Variants in RAB11FIP3 observed in about 807,000 individuals in gnomAD.
The protein encoded by RAB11FIP3 is RAB11 family interacting protein 3.
Under a neutral mutation model 77.8 loss-of-function variants are expected in RAB11FIP3, and 17 were observed. That is an observed-to-expected ratio of 0.22 (90% CI 0.15 to 0.33). RAB11FIP3 has a LOEUF of 0.33. Ranked by LOEUF, RAB11FIP3 falls within the 10% of genes least tolerant of loss-of-function variation. The pLI is 1.00. For missense variants in RAB11FIP3, 1,005 were observed against 1,011.2 expected (o/e 0.99, Z 0.08); for synonymous variants, 437 against 448.2 (o/e 0.98, Z 0.31).
intron 1 of RAB11FIP3, among the ~76,000 whole-genome samples, chr16:454,905 C>T (rs755787971): frequency 9.2e-5 from 14 of 151,760 alleles, no homozygotes; most frequent in South Asian, 2.1e-4. Context: ...CAAAAGTTAG[C>T]GAGGCGTGGT....
chr16:451,549 C>T (rs1189552405), intron 1 of RAB11FIP3: 1 of 152,196 alleles, frequency 6.6e-6, no homozygotes, highest in Non-Finnish European at 1.5e-5. Flanking sequence ...ATTAGAAGGA[C>T]TTAGGCCGGG....
chr16:427,581 C>A lies in RAB11FIP3; in HGVS notation c.714+861C>A, dbSNP rs2054970182. The stretch of plus-strand genomic sequence containing the variant: ...TAACAGCAGGGCCGTGTGTGTTCTG[C>A]CAATAACCCGGTGGACATCAAATAA... On this transcript the variant is annotated intron_variant, in intron 1 of 13. Coordinates refer to ENST00000262305, the MANE Select transcript of RAB11FIP3 (RefSeq NM_014700.4). Among the ~76,000 whole-genome samples, 3 of 152,348 alleles carry A rather than the reference C, an allele frequency of 2.0e-5. No individual in the cohort carries two copies. In the South Asian group the frequency reaches 6.2e-4, roughly 32 times the overall value.
intron 6 of RAB11FIP3, chr16:497,315 C>T (rs928117037): frequency 3.8e-6 from 5 of 1,304,140 alleles, no homozygotes; most frequent in Middle Eastern, 2.1e-4. Flanking sequence ...TGTTGGCTTC[C>T]TGCTGTGAAA....
chr16:434,759 G>T (rs2055099983), intron 1 of RAB11FIP3, among the ~76,000 whole-genome samples: 1 of 152,040 alleles, frequency 6.6e-6, no homozygotes. Context: ...TTGTCCCCAG[G>T]AAGATTCAGA....
chr16:494,056 A>ATAACGC (rs2030872245), intron 5 of RAB11FIP3, among the ~76,000 whole-genome samples: 1 of 69,110 alleles, frequency 1.4e-5, no homozygotes, highest in African/African-American at 9.0e-5. Flanking sequence ...GGCGCCCATC[A>ATAACGC]CCACACCTGG....
At chr16:519,108 T>C in intron 10 of RAB11FIP3, 84 bp downstream of exon 10, 1 of 1,399,100 alleles carries the variant, frequency 7.1e-7, no homozygotes, top group Non-Finnish European at 1.0e-6. Flanking sequence ...CCCTGAGCTC[T>C]GTGCTGAGCG....
chr16:495,236 A>G (rs2031012619), intron 5 of RAB11FIP3, among the ~76,000 whole-genome samples: 1 of 152,218 alleles, frequency 6.6e-6, no homozygotes. Context: ...TGCAGAGTGT[A>G]GGGACAGCAG....
chr16:457,371 T>A (rs1034353900), intron 1 of RAB11FIP3, among the ~76,000 whole-genome samples: 3 of 152,168 alleles, frequency 2.0e-5, no homozygotes, highest in African/African-American at 7.2e-5. Flanking sequence ...TCCACCATGG[T>A]GTTTCTGTAA....
At chr16:485,938 G>A (rs528263023) in intron 4 of RAB11FIP3, among the ~76,000 whole-genome samples, 1 of 152,164 alleles carries the variant, frequency 6.6e-6, no homozygotes, top group East Asian at 1.9e-4. Context: ...GTCTTGCTGT[G>A]TCACCCAGGC....
chr16:465,025 G>A (rs577073033), intron 2 of RAB11FIP3, among the ~76,000 whole-genome samples: 14 of 152,268 alleles, frequency 9.2e-5, no homozygotes, highest in African/African-American at 2.9e-4. Context: ...TGATGGGTAC[G>A]CCTGAGAGGA....
Position 503,056 on chromosome 16 carries a change from C to T in RAB11FIP3, c.1354C>T (p.Pro452Ser). The T allele has an allele frequency of 1.2e-6, 2 of 1,613,288 alleles. No homozygotes were observed. Among genetic ancestry groups the T allele is most frequent in the African/African-American group, 1.3e-5 (1 of 75,040 alleles). The change falls in exon 7 of 14, where the codon CCC becomes TCC. Residue 452 changes from proline to serine, a missense_variant. By Grantham distance (74) the Pro-to-Ser change is moderately conservative (BLOSUM62 -1). Around this residue, in one of 4 missense-constraint regions of RAB11FIP3, gnomAD observed 433 missense variants for 436.1 expected, o/e 0.99. Transcript: ENST00000262305. ...CATGGAGGCCCTGGAGGACCCTTCC[C>T]CCGAGCTCATGGAGGGCCCAGAGGA... is the stretch of plus-strand genomic sequence containing the variant. The part of the protein sequence containing the change: ...LTMEALEDPS[P>S]ELMEGPEEDI...
intron 3 of RAB11FIP3, among the ~76,000 whole-genome samples, chr16:476,570 G>C (rs150011609): frequency 3.2e-4 from 48 of 152,286 alleles, no homozygotes; most frequent in Admixed American, 1.6e-3. Context: ...ACTGGCCAGG[G>C]AAGGGCATCG....
rs2031605051 is a variant in RAB11FIP3, at chr16:502,806, G to A, written c.1302-198G>A. On this transcript the variant is annotated intron_variant, in intron 6 of 13. Transcript: ENST00000262305. ...CACGGCCTGCTTTCTCCCAGCCCCTGGTAAAGATGTCCAGCCTGGGACCTC... is the reference window on the plus strand; with the variant it reads ...CACGGCCTGCTTTCTCCCAGCCCCTAGTAAAGATGTCCAGCCTGGGACCTC... The A allele has an allele frequency of 5.1e-6, 3 of 587,254 alleles. No individual in the cohort carries two copies. The South Asian group carries it at 6.7e-5, about 13-fold the overall frequency. 36.4% of individuals were successfully genotyped at this position (587,254 alleles called of 1,614,324 possible).
chr16:520,414 A>G (rs768959737), intron 12 of RAB11FIP3, 45 bp from the exon 13 acceptor site: 1 of 1,607,518 alleles, frequency 6.2e-7, no homozygotes, highest in Admixed American at 1.7e-5. Flanking sequence ...CTGCTCAGCC[A>G]CCAGCAGGGG....
Position 465,111 on chromosome 16 carries a change from C to T in RAB11FIP3, c.808+3614C>T, listed in dbSNP as rs563100675. ...AGACTCACGTTAGCTTGGTCTCAGT[C>T]GCAGGGAGGAGAAAAGCCGCTCATG... On this transcript the variant is annotated intron_variant, in intron 2 of 13. Coordinates refer to ENST00000262305, the MANE Select transcript of RAB11FIP3 (RefSeq NM_014700.4). Among the ~76,000 whole-genome samples the T allele has an allele frequency of 3.3e-5, 5 of 152,154 alleles. No homozygotes were observed. In the East Asian group the frequency reaches 5.8e-4, roughly 18 times the overall value.
chr16:448,026 A>G (rs902734742), intron 1 of RAB11FIP3, among the ~76,000 whole-genome samples: 1 of 152,030 alleles, frequency 6.6e-6, no homozygotes, highest in Non-Finnish European at 1.5e-5. Flanking sequence ...GACATATGAA[A>G]AAGCGTATTG....
At chr16:429,720 ACT>A (rs1052439819) in intron 1 of RAB11FIP3, among the ~76,000 whole-genome samples, 6 of 150,820 alleles carry the variant, frequency 4.0e-5, no homozygotes, top group East Asian at 1.9e-4. Flanking sequence ...CTGGTCTTGA[ACT>A]CTTGACCTCA....
In RAB11FIP3 at chr16:506,924, C is replaced by G. The variant is rs1173299212; in HGVS notation, c.1499+1297C>G. On this transcript the variant is annotated intron_variant, in intron 8 of 13. Coordinates refer to ENST00000262305, the MANE Select transcript of RAB11FIP3 (RefSeq NM_014700.4). This position sits in a 1 kb window ranked among gnomAD's most constrained non-coding sequence, Gnocchi z 4.5. ...GCAGTGCCACCAAAGACCACTGTCT[C>G]CTCCTTGTCAAGGAGAATCCGGGGG... Among the ~76,000 whole-genome samples, 2 of 152,120 alleles carry G rather than the reference C, an allele frequency of 1.3e-5. No individual in the cohort carries two copies. Among genetic ancestry groups the G allele is most frequent in the Non-Finnish European group, 2.9e-5 (2 of 68,028 alleles).
intron 1 of RAB11FIP3, among the ~76,000 whole-genome samples, chr16:434,980 T>C (rs2055104527): frequency 6.6e-6 from 1 of 151,992 alleles, no homozygotes; most frequent in Admixed American, 6.6e-5. Flanking sequence ...CCAAGGCAGG[T>C]GGATCACGAG....
Sources: allele counts gnomAD v4.1 joint callset (sites outside exome capture counted in the v4.1 genomes callset), GRCh38; gene constraint gnomAD v4.1.1; regional missense constraint gnomAD v4.1.1; non-coding constraint Gnocchi (gnomAD v3.1); transcripts MANE v1.5; gene names NCBI Gene and HGNC (gene_info 2026-07-23, HGNC 2026-07-21).